The following NFIB variants were observed in gnomAD, a reference collection of about 807,000 sequenced individuals.
NFIB encodes nuclear factor I B, also known as nuclear factor 1 B-type.
Under a neutral mutation model 61.5 loss-of-function variants are expected in NFIB, and 11 were observed. The observed-to-expected ratio is 0.18, with a 90% CI of 0.11 to 0.30. The LOEUF is 0.30. Ranked by LOEUF, NFIB falls within the 10% of genes least tolerant of loss-of-function variation. The probability of loss-of-function intolerance (pLI) is 1.00; values close to 1 mark genes in which losing one functional copy is unlikely to be tolerated. For missense variants in NFIB, 471 were observed against 608.9 expected (o/e 0.77, Z 2.38); for synonymous variants, 260 against 216.5 (o/e 1.20, Z -1.76).
intron 2 of NFIB, among the ~76,000 whole-genome samples, chr9:14,281,076 T>C (rs1041164396): frequency 6.6e-5 from 10 of 152,112 alleles, no homozygotes; most frequent in African/African-American, 2.4e-4. Context: ...TCTCAAATGG[T>C]TGTGAGAGCA....
At chr9:14,143,965 C>T (rs1040025560) in intron 6 of NFIB, among the ~76,000 whole-genome samples, 2 of 141,992 alleles carry the variant, frequency 1.4e-5, no homozygotes, top group Non-Finnish European at 3.0e-5. Flanking sequence ...ACGAAGTCTT[C>T]AGGGTCTTCA....
chr9:14,194,542 C>A (rs566245750), intron 2 of NFIB, among the ~76,000 whole-genome samples: 20 of 152,040 alleles, frequency 1.3e-4, no homozygotes, highest in African/African-American at 4.8e-4. Flanking sequence ...AACTTTCATT[C>A]TAAGTTACAG....
In NFIB at chr9:14,236,890, G is replaced by C. The variant is rs184371894; in HGVS notation, c.563-57110C>G. On this transcript the variant is annotated intron_variant, in intron 2 of 10. Coordinates refer to ENST00000380953, the MANE Select transcript of NFIB (RefSeq NM_001190737.2). ...AAAAACACAAAAAAGCCACTATTTG[G>C]TGTTGTGTTCCAAGTAGGAGCATTT... Among the ~76,000 whole-genome samples, 386 of 151,438 alleles carry C rather than the reference G, an allele frequency of 2.5e-3. 1 individual carries two copies. Among genetic ancestry groups the C allele is most frequent in the African/African-American group, 8.3e-3 (344 of 41,356 alleles).
rs1162989461 is a variant in NFIB at position 14,231,131 on chromosome 9, AAAAAATATAT to A, written c.563-51361_563-51352del. Among the ~76,000 whole-genome samples the A allele has an allele frequency of 5.5e-3, 413 of 75,416 alleles. 8 individuals are homozygous for A. The highest frequency in any genetic ancestry group is 0.053 in the East Asian group (149 of 2,838). The allele number at this position is 75,416 out of a possible 152,430, so 49.5% of individuals were successfully genotyped here. ...AGTTTTTCCATGGGGAAAAAAAAAA[AAAAAATATAT>A]ATATATATATATATATATATATATA... is the stretch of plus-strand genomic sequence containing the variant. On this transcript the variant is annotated intron_variant, in intron 2 of 10. Transcript: ENST00000380953.
At chr9:14,399,706 G>A (rs938030051), upstream of NFIB, among the ~76,000 whole-genome samples, 2 of 152,090 alleles carry the variant, frequency 1.3e-5, no homozygotes, top group Non-Finnish European at 2.9e-5. Context: ...TTAGGCATCT[G>A]GTTATTATAG....
rs1161349146 is a variant in NFIB at position 14,313,413 on chromosome 9, C to T, written c.30+69G>A. ...GAGGTTAACTCAAGCCGCTAATTGT[C>T]CGCAACAAAACAAAACAAAGGCATT... On this transcript the variant is annotated intron_variant, in intron 1 of 10. Coordinates refer to ENST00000380953, the MANE Select transcript of NFIB (RefSeq NM_001190737.2). The surrounding 1 kb of genome is among the most constrained non-coding windows in gnomAD (Gnocchi z 4.5). 5.6e-6 allele frequency: 9 copies of T among 1,608,294 alleles called. No homozygotes were observed. Among genetic ancestry groups the T allele is most frequent in the Non-Finnish European group, 6.8e-6 (8 of 1,176,108 alleles).
chr9:14,399,750 T>A (rs1165011642), upstream of NFIB, among the ~76,000 whole-genome samples: 1 of 152,192 alleles, frequency 6.6e-6, no homozygotes, highest in Non-Finnish European at 1.5e-5. Context: ...TACTGCAATA[T>A]TCAGTGAGAG....
intron 2 of NFIB, among the ~76,000 whole-genome samples, chr9:14,297,042 A>G (rs913678870): frequency 1.3e-5 from 2 of 152,196 alleles, no homozygotes; most frequent in African/African-American, 4.8e-5. Context: ...CTCCCTGCCC[A>G]CACACACACC....
intron 2 of NFIB, among the ~76,000 whole-genome samples, chr9:14,186,055 C>T (rs1177586960): frequency 3.3e-5 from 5 of 152,124 alleles, no homozygotes; most frequent in African/African-American, 9.7e-5. Flanking sequence ...TCTCTGACAC[C>T]ATGGCTTGAG....
chr9:14,387,140 T>G lies in NFIB; in HGVS notation c.108+11384A>C, dbSNP rs144466608. Among the ~76,000 whole-genome samples, 51 of 152,356 alleles carry G rather than the reference T, an allele frequency of 3.3e-4. 1 individual carries two copies. In the East Asian group the frequency reaches 9.1e-3, roughly 27 times the overall value. ...TTAGGTGACTAACTGTTCATCACTG[T>G]GTGTCAGTTTAATCAGGTAATTAAG... is the stretch of plus-strand genomic sequence containing the variant. On this transcript the variant is annotated intron_variant, in intron 1 of 8. Coordinates refer to the NFIB transcript ENST00000380934.
chr9:14,161,960 T>A (rs2044251704), intron 3 of NFIB, among the ~76,000 whole-genome samples: 1 of 152,182 alleles, frequency 6.6e-6, no homozygotes, highest in Admixed American at 6.6e-5. Context: ...TTAGTAGGGA[T>A]TTGTTTTTAA....
At chr9:14,204,218 T>C (rs898361157) in intron 2 of NFIB, 2 of 540,950 alleles carry the variant, frequency 3.7e-6, no homozygotes, top group Non-Finnish European at 6.5e-6. Context: ...TGAGGAATGA[T>C]CTCTCTTTTC....
chr9:14,202,388 T>C lies in NFIB; in HGVS notation c.563-22608A>G, dbSNP rs114413452. On this transcript the variant is annotated intron_variant, in intron 2 of 10. Coordinates refer to ENST00000380953, the MANE Select transcript of NFIB (RefSeq NM_001190737.2). ...CTCCGACTTCCATTATCTTTCAGAATAGATGAAAGGGGTCTACTGACTAGT... is the reference window on the plus strand; with the variant it reads ...CTCCGACTTCCATTATCTTTCAGAACAGATGAAAGGGGTCTACTGACTAGT... Among the ~76,000 whole-genome samples the C allele has an allele frequency of 9.4e-3, 1,436 of 152,266 alleles. 33 individuals are homozygous for C. Among genetic ancestry groups the C allele is most frequent in the African/African-American group, 0.032 (1,350 of 41,544 alleles).
intron 2 of NFIB, among the ~76,000 whole-genome samples, chr9:14,272,796 G>C (rs774981376): frequency 7.3e-5 from 11 of 150,848 alleles, no homozygotes; most frequent in Non-Finnish European, 1.2e-4. Context: ...TAAATCCTTT[G>C]AGGTTTAATA....
chr9:14,506,667 T>C, the NFIB span, among the ~76,000 whole-genome samples: 1,449 of 152,280 alleles, frequency 9.5e-3, 28 homozygotes, highest in African/African-American at 0.033. Context: ...AGCCTCACCT[T>C]TCCTTTTTCT....
Position 14,304,110 on chromosome 9 carries a change from A to C in NFIB, c.562+2879T>G, listed in dbSNP as rs147852340. Among the ~76,000 whole-genome samples the C allele has an allele frequency of 6.8e-4, 103 of 152,344 alleles. No homozygotes were observed. In the East Asian group the frequency reaches 0.018, roughly 26 times the overall value. ...AAGTCTAATGAACTATATATCAAAA[A>C]TGATTTCAAAAAGCATAAATTTTTT... On this transcript the variant is annotated intron_variant, in intron 2 of 10. Transcript: ENST00000380953.
intron 2 of NFIB, among the ~76,000 whole-genome samples, chr9:14,246,590 A>C (rs375124036): frequency 6.6e-6 from 1 of 152,204 alleles, no homozygotes; most frequent in Non-Finnish European, 1.5e-5. Context: ...TATGTTTGCC[A>C]TATCATTTTT....
chr9:14,404,979 T>G, the NFIB span, among the ~76,000 whole-genome samples: 1 of 152,196 alleles, frequency 6.6e-6, no homozygotes, highest in African/African-American at 2.4e-5. Context: ...TTTTACCTAT[T>G]TTCCTTTCCT....
chr9:14,379,734 G>A (rs1009240736), intron 1 of NFIB, among the ~76,000 whole-genome samples: 9 of 152,038 alleles, frequency 5.9e-5, no homozygotes, highest in African/African-American at 2.2e-4. Context: ...CCAGGCTGGA[G>A]TGCAATGGCA....
Sources: allele counts gnomAD v4.1 joint callset (sites outside exome capture counted in the v4.1 genomes callset), GRCh38; gene constraint gnomAD v4.1.1; non-coding constraint Gnocchi (gnomAD v3.1); transcripts MANE v1.5; gene names NCBI Gene and HGNC (gene_info 2026-07-23, HGNC 2026-07-21).